KCNAB1: variants seen among roughly 807,000 people sequenced by gnomAD.
KCNAB1 encodes potassium voltage-gated channel subfamily A regulatory beta subunit 1.
In KCNAB1, 35 loss-of-function variants were observed where a neutral mutation model predicts 64.6. The observed-to-expected ratio is 0.54, with a 90% CI of 0.41 to 0.72. KCNAB1 has a LOEUF of 0.72. Among genes scored for constraint, KCNAB1 ranks in the 30% least tolerant of loss-of-function variants. The pLI is 0.00. For synonymous variants in KCNAB1, 177 were observed against 183.8 expected, an observed-to-expected ratio of 0.96 and a Z score of 0.30; for missense variants, 401 against 512.9, an observed-to-expected ratio of 0.78 and a Z score of 2.11.
At chr3:156,437,925 T>C (rs529704752) in intron 2 of KCNAB1, among the ~76,000 whole-genome samples, 1 of 152,342 alleles carries the variant, frequency 6.6e-6, no homozygotes, top group Admixed American at 6.5e-5. Flanking sequence ...TGGGACCTCA[T>C]AGAGTTCATT....
At chr3:156,359,299 T>G (rs545727888) in intron 1 of KCNAB1, among the ~76,000 whole-genome samples, 31 of 152,206 alleles carry the variant, frequency 2.0e-4, no homozygotes, top group Non-Finnish European at 3.8e-4. Context: ...TCTCCTCTCC[T>G]CAGCTCACCA....
intron 1 of KCNAB1, among the ~76,000 whole-genome samples, chr3:156,300,593 C>T (rs1050904189): frequency 6.6e-6 from 1 of 152,096 alleles, no homozygotes; most frequent in Non-Finnish European, 1.5e-5. Context: ...CGTCTGCATG[C>T]CCTGGTCATG....
chr3:156,186,855 T>C (rs1713228182), intron 1 of KCNAB1, among the ~76,000 whole-genome samples: 1 of 151,716 alleles, frequency 6.6e-6, no homozygotes, highest in African/African-American at 2.4e-5. Flanking sequence ...CATCTTTTTT[T>C]TTTTTTTCTT....
chr3:156,491,116 C>T (rs1213577974), intron 8 of KCNAB1, among the ~76,000 whole-genome samples: 4 of 152,106 alleles, frequency 2.6e-5, no homozygotes, highest in Admixed American at 1.3e-4. Context: ...ACTTTCCTGT[C>T]TCTCAAACAC....
At chr3:156,119,658 G>A (rs556770609), upstream of KCNAB1, among the ~76,000 whole-genome samples, 4 of 152,112 alleles carry the variant, frequency 2.6e-5, no homozygotes, top group Admixed American at 2.6e-4. Flanking sequence ...TGCTTAACGG[G>A]TCACTAAACA....
intron 1 of KCNAB1, among the ~76,000 whole-genome samples, chr3:156,354,104 ATATATATGTGTGTGTG>A (rs1725054805): frequency 8.1e-6 from 1 of 123,160 alleles, no homozygotes; most frequent in Non-Finnish European, 1.7e-5. Context: ...TAATATATGT[ATATATATGTGTGTGTG>A]TATATATATA....
chr3:156,240,712 C>T (rs1442066655), intron 1 of KCNAB1, among the ~76,000 whole-genome samples: 1 of 152,148 alleles, frequency 6.6e-6, no homozygotes, highest in Admixed American at 6.5e-5. Flanking sequence ...ATATACTCAA[C>T]GTTAACATTA....
intron 1 of KCNAB1, among the ~76,000 whole-genome samples, chr3:156,245,547 C>A (rs989321162): frequency 6.6e-5 from 10 of 152,066 alleles, no homozygotes; most frequent in Non-Finnish European, 1.2e-4. Context: ...TACTTCTATG[C>A]AATTTTGTAA....
intron 8 of KCNAB1, among the ~76,000 whole-genome samples, chr3:156,480,179 T>G (rs1714683992): frequency 1.3e-5 from 2 of 152,154 alleles, no homozygotes; most frequent in Admixed American, 6.6e-5. Flanking sequence ...GCCTCTATCT[T>G]TTATTATCTT....
intron 8 of KCNAB1, among the ~76,000 whole-genome samples, chr3:156,484,125 T>C (rs1436783170): frequency 6.6e-6 from 1 of 152,090 alleles, no homozygotes; most frequent in Non-Finnish European, 1.5e-5. Flanking sequence ...GCAGTTTACT[T>C]CCTCTATTTT....
At chr3:156,147,980 A>C (rs201090395) in intron 1 of KCNAB1, among the ~76,000 whole-genome samples, 21 of 102,052 alleles carry the variant, frequency 2.1e-4, no homozygotes, top group African/African-American at 6.5e-4. Flanking sequence ...CGCACACACA[A>C]ACACACACCG....
At chr3:156,250,741 TG>T (rs1239583357) in intron 1 of KCNAB1, among the ~76,000 whole-genome samples, 1 of 152,180 alleles carries the variant, frequency 6.6e-6, no homozygotes, top group African/African-American at 2.4e-5. Context: ...AAAGGGGATT[TG>T]CCCTGTCAGC....
intron 1 of KCNAB1, among the ~76,000 whole-genome samples, chr3:156,362,351 C>A (rs1284413637): frequency 6.6e-6 from 1 of 152,210 alleles, no homozygotes; most frequent in Non-Finnish European, 1.5e-5. Flanking sequence ...AAAACTTTGA[C>A]ATCTATACTG....
intron 1 of KCNAB1, among the ~76,000 whole-genome samples, chr3:156,163,914 T>G (rs978566397): frequency 6.6e-6 from 1 of 152,216 alleles, no homozygotes; most frequent in Admixed American, 6.5e-5. Context: ...GATACAACCT[T>G]GATGATCTAC....
intron 1 of KCNAB1, among the ~76,000 whole-genome samples, chr3:156,123,055 C>T (rs944576961): frequency 5.9e-5 from 9 of 152,180 alleles, no homozygotes; most frequent in Admixed American, 2.6e-4. Flanking sequence ...AAATGTCAGC[C>T]GTTGAGAAGT....
intron 1 of KCNAB1, among the ~76,000 whole-genome samples, chr3:156,184,803 T>A (rs1020153761): frequency 1.3e-5 from 2 of 152,176 alleles, no homozygotes; most frequent in Non-Finnish European, 2.9e-5. Context: ...TATCCCCTCC[T>A]TCCCCATACC....
chr3:156,234,131 T>C lies in KCNAB1; in HGVS notation c.275+113245T>C, dbSNP rs375489840. ...ACACAGAAGAGAAGAATTCCAAGAA[T>C]TCCCCAGGGGCTGGGGTTGGGGAGA... On this transcript the variant is annotated intron_variant, in intron 1 of 13. Coordinates refer to ENST00000490337, the MANE Select transcript of KCNAB1 (RefSeq NM_172160.3). 2.1e-4 allele frequency among the ~76,000 whole-genome samples: 32 copies of C among 151,988 alleles called. No individual in the cohort carries two copies. The South Asian group carries it at 6.7e-3, about 32-fold the overall frequency.
chr3:156,479,735 A>G (rs1052694820), intron 8 of KCNAB1, among the ~76,000 whole-genome samples: 38 of 152,254 alleles, frequency 2.5e-4, no homozygotes, highest in African/African-American at 8.7e-4. Flanking sequence ...TGAGTCATTA[A>G]ATATTATTTC....
chr3:156,453,214 G>T (rs1712134971), intron 3 of KCNAB1: 1 of 288,002 alleles, frequency 3.5e-6, no homozygotes, highest in Non-Finnish European at 6.4e-6. Flanking sequence ...TTTATGAAAA[G>T]ATTGTATTGC....
Sources: allele counts gnomAD v4.1 joint callset (sites outside exome capture counted in the v4.1 genomes callset), GRCh38; gene constraint gnomAD v4.1.1; transcripts MANE v1.5; gene names NCBI Gene and HGNC (gene_info 2026-07-23, HGNC 2026-07-21).